Variants in PLXNA4 observed in about 807,000 individuals in gnomAD.
The protein encoded by PLXNA4 is plexin A4.
Under a neutral mutation model 191.8 loss-of-function variants are expected in PLXNA4, and 44 were observed. That is an observed-to-expected ratio of 0.23 (90% confidence interval 0.18 to 0.29). PLXNA4 has a LOEUF of 0.29. PLXNA4 is among the 10% of genes least tolerant of loss of function. The pLI is 1.00. For missense variants in PLXNA4, 1,800 were observed against 2,488.8 expected (o/e 0.72, Z 5.89); for synonymous variants, 1,082 against 1,009.5 (o/e 1.07, Z -1.36).
intron 2 of PLXNA4, among the ~76,000 whole-genome samples, chr7:132,626,845 T>C (rs1032420684): frequency 6.6e-6 from 1 of 152,218 alleles, no homozygotes; most frequent in Non-Finnish European, 1.5e-5. Flanking sequence ...GATATAGCTC[T>C]GGAGCACCCT....
chr7:132,593,610 G>A (rs1417014809), intron 2 of PLXNA4, among the ~76,000 whole-genome samples: 1 of 152,204 alleles, frequency 6.6e-6, no homozygotes, highest in Non-Finnish European at 1.5e-5. Context: ...TGCAGCACTG[G>A]GGCCCAAATG....
rs142677972 is a variant in PLXNA4, at chr7:132,266,001, A to G, written c.1504-24835T>C. Among the ~76,000 whole-genome samples, 866 of 152,338 alleles carry G rather than the reference A, an allele frequency of 5.7e-3. 13 individuals are homozygous for G. Among genetic ancestry groups the G allele is most frequent in the African/African-American group, 0.019 (793 of 41,568 alleles). On this transcript the variant is annotated intron_variant, in intron 4 of 31. Coordinates refer to ENST00000321063, the MANE Select transcript of PLXNA4 (RefSeq NM_020911.2). ...AGGAGCTCTAAAATGGCTCAGAATC[A>G]AGAAGAAGTTGACTCAGTATCAATG...
At chr7:132,462,924 A>G (rs549545448) in intron 3 of PLXNA4, among the ~76,000 whole-genome samples, 1 of 141,206 alleles carries the variant, frequency 7.1e-6, no homozygotes, top group African/African-American at 2.7e-5. Context: ...ATCTTGGCTC[A>G]CTGCAACCTC....
intron 2 of PLXNA4, among the ~76,000 whole-genome samples, chr7:132,598,418 A>T (rs1802757435): frequency 6.6e-6 from 1 of 152,190 alleles, no homozygotes; most frequent in Non-Finnish European, 1.5e-5. Flanking sequence ...CAAAATATAT[A>T]TTCTTATTGG....
intron 3 of PLXNA4, among the ~76,000 whole-genome samples, chr7:132,396,573 C>T (rs539290686): frequency 6.6e-6 from 1 of 152,316 alleles, no homozygotes; most frequent in South Asian, 2.1e-4. Flanking sequence ...TTGCTACAAC[C>T]TCCGCCTCCC....
intron 20 of PLXNA4, 138 bp from the exon 21 acceptor site, chr7:132,175,058 A>G (rs35136321): frequency 0.29 from 390,681 of 1,362,656 alleles, 57,642 homozygotes; most frequent in Admixed American, 0.41. Context: ...ATAACTGGAG[A>G]GGCTATGTTT....
chr7:132,574,429 C>T (rs1802129577), intron 1 of PLXNA4, among the ~76,000 whole-genome samples: 1 of 152,226 alleles, frequency 6.6e-6, no homozygotes, highest in Non-Finnish European at 1.5e-5. Flanking sequence ...CCTCAAGGGG[C>T]ATGTGGGGAG....
intron 3 of PLXNA4, among the ~76,000 whole-genome samples, chr7:132,406,638 A>G (rs1426687531): frequency 6.6e-6 from 1 of 152,200 alleles, no homozygotes; most frequent in Non-Finnish European, 1.5e-5. Flanking sequence ...AAAAAAAAGA[A>G]AAGAAAAGGT....
chr7:132,520,303 G>A (rs1224582684), intron 1 of PLXNA4, among the ~76,000 whole-genome samples: 1 of 152,192 alleles, frequency 6.6e-6, no homozygotes, highest in Non-Finnish European at 1.5e-5. Context: ...TTCTCCCTTA[G>A]ATAAAAAGGA....
chr7:132,458,680 T>C (rs574059276), intron 3 of PLXNA4, among the ~76,000 whole-genome samples: 2 of 152,016 alleles, frequency 1.3e-5, no homozygotes, highest in East Asian at 2.0e-4. Context: ...AGAAGGGGAC[T>C]TCTGGGGCAT....
At chr7:132,187,340 G>T in intron 15 of PLXNA4, 131 bp downstream of exon 15, 3 of 1,431,024 alleles carry the variant, frequency 2.1e-6, no homozygotes, top group Non-Finnish European at 1.9e-6. Flanking sequence ...TATCTGTGCA[G>T]CTGGCAAGAA....
chr7:132,207,536 T>C (rs1371340032), intron 10 of PLXNA4, among the ~76,000 whole-genome samples: 1 of 152,248 alleles, frequency 6.6e-6, no homozygotes, highest in East Asian at 1.9e-4. Context: ...GAGTCTGCCC[T>C]GTCCTCCTCC....
intron 8 of PLXNA4, among the ~76,000 whole-genome samples, chr7:132,223,869 C>T (rs978800740): frequency 6.6e-6 from 1 of 152,152 alleles, no homozygotes; most frequent in Non-Finnish European, 1.5e-5. Context: ...CAACCCCGTT[C>T]CCCCAAGGCC....
At chr7:132,279,517 C>T (rs985393848) in intron 4 of PLXNA4, among the ~76,000 whole-genome samples, 2 of 152,160 alleles carry the variant, frequency 1.3e-5, no homozygotes, top group Admixed American at 1.3e-4. Context: ...ACCTGTAGTT[C>T]TCAGCTACTT....
chr7:132,566,503 C>T (rs937416794), intron 1 of PLXNA4, among the ~76,000 whole-genome samples: 2 of 152,070 alleles, frequency 1.3e-5, no homozygotes, highest in South Asian at 2.1e-4. Flanking sequence ...TTGTTTCAAC[C>T]GTCCAAAGTT....
At chr7:132,418,249 T>G (rs1794731454) in intron 3 of PLXNA4, among the ~76,000 whole-genome samples, 1 of 152,202 alleles carries the variant, frequency 6.6e-6, no homozygotes. Context: ...CTCCTCTCCA[T>G]CCATCAAAGT....
intron 1 of PLXNA4, among the ~76,000 whole-genome samples, chr7:132,561,730 CCTCCTCCTCCTCCTTCTT>C (rs1460487753): frequency 7.9e-6 from 1 of 126,910 alleles, no homozygotes; most frequent in Non-Finnish European, 1.6e-5. Context: ...TCCTCCTCTT[CCTCCTCCTCCTCCTTCTT>C]CTCCTCCTCC....
At chr7:132,478,438 A>T (rs891576909) in intron 3 of PLXNA4, among the ~76,000 whole-genome samples, 2 of 152,224 alleles carry the variant, frequency 1.3e-5, no homozygotes, top group South Asian at 2.1e-4. Flanking sequence ...ACAGAAAATC[A>T]TGGATAAGTT....
At chr7:132,510,839 G>T (rs1194949215) in intron 1 of PLXNA4, among the ~76,000 whole-genome samples, 1 of 152,226 alleles carries the variant, frequency 6.6e-6, no homozygotes, top group African/African-American at 2.4e-5. Flanking sequence ...AGTACGTCTG[G>T]AGAACATAGT....
Sources: allele counts gnomAD v4.1 joint callset (sites outside exome capture counted in the v4.1 genomes callset), GRCh38; gene constraint gnomAD v4.1.1; transcripts MANE v1.5; gene names NCBI Gene and HGNC (gene_info 2026-07-23, HGNC 2026-07-21).